ASB17: variants seen among roughly 807,000 people sequenced by gnomAD.
ASB17 encodes the protein ankyrin repeat and SOCS box protein 17.
Under a neutral mutation model 25.7 loss-of-function variants are expected in ASB17, and 26 were observed. The ratio of observed to expected loss-of-function variants is 1.01; its 90% CI spans 0.74 to 1.40. The LOEUF is 1.40. ASB17 is among the 40% of genes most tolerant of loss of function. ASB17 has a pLI of 0.00. For synonymous variants in ASB17, 128 were observed against 121.4 expected, an observed-to-expected ratio of 1.05 and a Z score of -0.36; for missense variants, 326 against 338.5, an observed-to-expected ratio of 0.96 and a Z score of 0.29.
chr1:75,928,928 G>A (rs1428893762), intron 1 of ASB17, among the ~76,000 whole-genome samples: 2 of 152,198 alleles, frequency 1.3e-5, no homozygotes, highest in African/African-American at 2.4e-5. Context: ...GTAAACTACT[G>A]TAATGACTGA....
chr1:75,920,383 T>C (rs1295994118), intron 2 of ASB17, among the ~76,000 whole-genome samples: 1 of 152,268 alleles, frequency 6.6e-6, no homozygotes. Context: ...ATTACTTGTA[T>C]AATGCATTCA....
chr1:75,932,012 C>T lies in ASB17; in HGVS notation c.280G>A (p.Val94Met), dbSNP rs779741486. The change falls in exon 1 of 3, where the codon GTG becomes ATG. Residue 94 changes from valine (V) to methionine (M), a missense_variant. Physicochemically the swap from Val to Met is conservative, Grantham distance 21. Transcript: ENST00000284142. ...SFNLDFTEIC[V>M]NTILYWVFAR... ...AAAACCCAGTACAGAATTGTATTCACACATATTTCAGTGAAGTCGAGGTTA... is the reference window on the plus strand; with the variant it reads ...AAAACCCAGTACAGAATTGTATTCATACATATTTCAGTGAAGTCGAGGTTA... The T allele has an allele frequency of 2.5e-6, 4 of 1,614,134 alleles. No homozygotes were observed. Among genetic ancestry groups the T allele is most frequent in the Non-Finnish European group, 3.4e-6 (4 of 1,180,000 alleles).
At position 75,919,050 on chromosome 1, in the gene ASB17, T is replaced by C; in HGVS notation, c.790A>G (p.Ile264Val). The C allele has an allele frequency of 6.2e-7, 1 of 1,612,006 alleles. No individual in the cohort carries two copies. Among genetic ancestry groups the C allele is most frequent in the Non-Finnish European group, 8.5e-7 (1 of 1,178,328 alleles). ...CELLHLCRLT[I>V]RNQLLTNNML... ...TTGTTGGTTAATAGTTGATTCCTGA[T>C]GGTTAGTCTGCAAAGATGTAATAGT... The change falls in exon 3 of 3, where the codon ATC (isoleucine) becomes GTC (valine). Residue 264 changes from isoleucine to valine, a missense_variant. Coordinates refer to ENST00000284142, the MANE Select transcript of ASB17 (RefSeq NM_080868.3).
chr1:75,931,419 A>C (rs1371687303), intron 1 of ASB17, among the ~76,000 whole-genome samples: 1 of 152,188 alleles, frequency 6.6e-6, no homozygotes, highest in Non-Finnish European at 1.5e-5. Context: ...CATTGTGCTC[A>C]AATTTGGAGA....
At chr1:75,925,755 G>GT (rs1653153300) in intron 1 of ASB17, among the ~76,000 whole-genome samples, 1 of 152,250 alleles carries the variant, frequency 6.6e-6, no homozygotes, top group Middle Eastern at 3.4e-3. Context: ...GAATTATTCA[G>GT]TTTTTTAGCT....
Position 75,922,407 on chromosome 1 carries a change from T to C in ASB17, c.402-48A>G, listed in dbSNP as rs913925133. 2.2e-6 allele frequency: 3 copies of C among 1,373,252 alleles called. No individual in the cohort carries two copies. In the Admixed American group the frequency reaches 7.1e-5, roughly 33 times the overall value. 85.1% of individuals were successfully genotyped at this position (1,373,252 alleles called of 1,614,324 possible). On this transcript the variant is annotated intron_variant, in intron 1 of 2. Coordinates refer to ENST00000284142, the MANE Select transcript of ASB17 (RefSeq NM_080868.3). ...ACTCATTGGATATAGAATTAAGAAATGTGACAAACACTTTATCTTGCTAGT... is the reference window on the plus strand; with the variant it reads ...ACTCATTGGATATAGAATTAAGAAACGTGACAAACACTTTATCTTGCTAGT...
chr1:75,919,657 A>G (rs1456413951), intron 2 of ASB17, among the ~76,000 whole-genome samples: 2 of 151,910 alleles, frequency 1.3e-5, no homozygotes, highest in Non-Finnish European at 2.9e-5. Context: ...TGTTCTTGCG[A>G]TAGTTTACTG....
chr1:75,920,587 A>G (rs1388440844), intron 2 of ASB17, among the ~76,000 whole-genome samples: 1 of 152,220 alleles, frequency 6.6e-6, no homozygotes, highest in Non-Finnish European at 1.5e-5. Flanking sequence ...GGAAGTGTGG[A>G]AATGCAGAAC....
In ASB17 at chr1:75,919,080, A is replaced by G. The variant is rs1162116247; in HGVS notation, c.760T>C (p.Cys254Arg). The G allele has an allele frequency of 1.2e-6, 2 of 1,612,320 alleles. No individual in the cohort carries two copies. The highest frequency in any genetic ancestry group is 2.7e-5 in the African/African-American group (2 of 74,872). ...AGTCTGCAAAGATGTAATAGTTCAC[A>G]TGGATCTTTGTATCTTGTTGAAGGA... is the stretch of plus-strand genomic sequence containing the variant. ...YIPSTRYKDP[C>R]ELLHLCRLTI... Residue 254 changes from cysteine (C) to arginine (R), a missense_variant, in exon 3 of 3, where the codon TGT becomes CGT. Transcript: ENST00000284142.
chr1:75,922,937 C>CATA (rs1653071502), intron 1 of ASB17, among the ~76,000 whole-genome samples: 1 of 152,114 alleles, frequency 6.6e-6, no homozygotes, highest in Non-Finnish European at 1.5e-5. Context: ...AAAGTGTTTA[C>CATA]TTTTAGTCAT....
chr1:75,925,844 T>A (rs1423599879), intron 1 of ASB17, among the ~76,000 whole-genome samples: 1 of 152,216 alleles, frequency 6.6e-6, no homozygotes, highest in Non-Finnish European at 1.5e-5. Context: ...TTCTCCAGAA[T>A]AATTTTACAT....
chr1:75,921,994 A>G, intron 2 of ASB17, 86 bp downstream of exon 2: 1 of 1,188,216 alleles, frequency 8.4e-7, no homozygotes, highest in Non-Finnish European at 1.2e-6. Flanking sequence ...TCTATAAATT[A>G]AAAATTAACT....
intron 1 of ASB17, among the ~76,000 whole-genome samples, chr1:75,925,946 G>C (rs114740279): frequency 0.025 from 3,875 of 152,084 alleles, 54 homozygotes; most frequent in Non-Finnish European, 0.029. Flanking sequence ...TCATCTCTTT[G>C]GCTATTTCTC....
In ASB17 at chr1:75,932,257, G is replaced by C; in HGVS notation, c.35C>G (p.Ser12Cys). The change falls in exon 1 of 3, where the codon TCT becomes TGT. Residue 12 changes from serine to cysteine, a missense_variant. By Grantham distance (112) the Ser-to-Cys change is moderately radical. Coordinates refer to ENST00000284142, the MANE Select transcript of ASB17 (RefSeq NM_080868.3). ...SKSTKLCGKT[S>C]CPRSNIFCNL... ...GCAGAATATATTGCTTCTTGGACAA[G>C]AAGTCTTACCACATAATTTAGTAGA... The C allele has an allele frequency of 6.2e-7, 1 of 1,612,560 alleles. No individual in the cohort carries two copies. Among genetic ancestry groups the C allele is most frequent in the South Asian group, 1.1e-5 (1 of 90,712 alleles).
intron 1 of ASB17, among the ~76,000 whole-genome samples, chr1:75,925,349 G>T (rs912792119): frequency 6.6e-6 from 1 of 152,008 alleles, no homozygotes; most frequent in Middle Eastern, 3.4e-3. Context: ...AGACTCAGGG[G>T]GCAAAATATA....
chr1:75,921,483 G>A (rs1197710258), intron 2 of ASB17, among the ~76,000 whole-genome samples: 1 of 152,184 alleles, frequency 6.6e-6, no homozygotes, highest in East Asian at 1.9e-4. Flanking sequence ...TCAATTTGAT[G>A]ATGACACTTG....
At chr1:75,927,653 C>G (rs1405571020) in intron 1 of ASB17, among the ~76,000 whole-genome samples, 1 of 151,868 alleles carries the variant, frequency 6.6e-6, no homozygotes, top group Non-Finnish European at 1.5e-5. Context: ...CTAACCACCC[C>G]CCTTTAAAAA....
rs1318477466 is a variant in ASB17 at position 75,921,975 on chromosome 1, T to C, written c.681+105A>G. On this transcript the variant is annotated intron_variant, in intron 2 of 2. Transcript: ENST00000284142. Reference sequence around the variant, plus strand: ...AGGCATATACTCAATGATCTGTCACTGGACATATTCTATAAATTAAAAATT... The same window carrying C: ...AGGCATATACTCAATGATCTGTCACCGGACATATTCTATAAATTAAAAATT... 6 of 996,818 alleles carry C rather than the reference T, an allele frequency of 6.0e-6. No individual in the cohort carries two copies. The East Asian group carries it at 1.3e-4, about 22-fold the overall frequency. The allele number at this position is 996,818 out of a possible 1,614,324, so 61.7% of individuals were successfully genotyped here. A position where few individuals can be genotyped will look rare whatever the true frequency, so the allele number is the denominator to read the frequency against.
chr1:75,925,456 T>G (rs1653146581), intron 1 of ASB17, among the ~76,000 whole-genome samples: 1 of 152,118 alleles, frequency 6.6e-6, no homozygotes, highest in Non-Finnish European at 1.5e-5. Flanking sequence ...TGAAAAATGT[T>G]GAAAACATGA....
Sources: allele counts gnomAD v4.1 joint callset (sites outside exome capture counted in the v4.1 genomes callset), GRCh38; gene constraint gnomAD v4.1.1; transcripts MANE v1.5; gene names NCBI Gene and HGNC (gene_info 2026-07-23, HGNC 2026-07-21).